Variants in PRKAG2 observed in about 807,000 individuals in gnomAD.
PRKAG2 encodes the protein 5'-AMP-activated protein kinase subunit gamma-2.
A neutral mutation model predicts 69.6 loss-of-function variants in PRKAG2; 26 were observed. That is an observed-to-expected ratio of 0.37 (90% confidence interval 0.27 to 0.52). The LOEUF (loss-of-function observed/expected upper bound fraction) is 0.52. Among genes scored for constraint, PRKAG2 ranks in the 20% least tolerant of loss-of-function variants. PRKAG2 has a pLI of 0.90. For synonymous variants in PRKAG2, 293 were observed against 285.0 expected, an observed-to-expected ratio of 1.03 and a Z score of -0.28; for missense variants, 557 against 740.0, an observed-to-expected ratio of 0.75 and a Z score of 2.87.
chr7:151,566,287 T>C (rs892665375), intron 11 of PRKAG2, among the ~76,000 whole-genome samples: 3 of 152,174 alleles, frequency 2.0e-5, no homozygotes, highest in Admixed American at 2.0e-4. Flanking sequence ...TTAAGTAATA[T>C]TTATTAAGAA....
chr7:151,825,242 T>G (rs570278531), intron 1 of PRKAG2, among the ~76,000 whole-genome samples: 5 of 152,226 alleles, frequency 3.3e-5, no homozygotes, highest in Non-Finnish European at 7.4e-5. Context: ...ATTTGTTGGC[T>G]TCTTTGCCCT....
chr7:151,663,358 C>G (rs1358267581), intron 4 of PRKAG2, among the ~76,000 whole-genome samples: 1 of 152,128 alleles, frequency 6.6e-6, no homozygotes, highest in East Asian at 1.9e-4. Flanking sequence ...GGATTATTTA[C>G]CACTTGGCCA....
intron 6 of PRKAG2, among the ~76,000 whole-genome samples, chr7:151,591,473 G>C (rs1270085501): frequency 6.6e-6 from 1 of 152,174 alleles, no homozygotes; most frequent in African/African-American, 2.4e-5. Flanking sequence ...GGCAGAGCAT[G>C]AGGGACAGAC....
intron 3 of PRKAG2, among the ~76,000 whole-genome samples, chr7:151,734,640 C>G (rs560813968): frequency 8.3e-4 from 126 of 152,322 alleles, no homozygotes; most frequent in Admixed American, 3.3e-3. Context: ...GCCTCGACCT[C>G]CTGGGCTCAA....
intron 5 of PRKAG2, among the ~76,000 whole-genome samples, chr7:151,615,827 C>G (rs1819995839): frequency 6.6e-6 from 1 of 152,252 alleles, no homozygotes; most frequent in Non-Finnish European, 1.5e-5. Context: ...CTCAACACTA[C>G]TGCTCATTAG....
intron 5 of PRKAG2, among the ~76,000 whole-genome samples, chr7:151,608,580 A>C (rs772357860): frequency 2.0e-5 from 3 of 152,308 alleles, no homozygotes; most frequent in Non-Finnish European, 4.4e-5. Context: ...GGTATCTTGC[A>C]AGTCACTGAA....
At chr7:151,766,197 G>A (rs1322252357) in intron 3 of PRKAG2, among the ~76,000 whole-genome samples, 4 of 152,284 alleles carry the variant, frequency 2.6e-5, no homozygotes, top group South Asian at 2.1e-4. Flanking sequence ...TCACATATGC[G>A]CTGCACGAGG....
chr7:151,784,944 G>A (rs747941855), intron 2 of PRKAG2, among the ~76,000 whole-genome samples: 16 of 152,242 alleles, frequency 1.1e-4, no homozygotes, highest in East Asian at 1.9e-4. Context: ...AAAGCCAGGC[G>A]GAGGGACAGG....
chr7:151,777,213 G>A lies in PRKAG2; in HGVS notation c.466+3939C>T, dbSNP rs2076411415. ...GCCCCGAGGTCTAGCTCTTCACTGC[G>A]GCAGCACCCCATGTGGACACCAGCA... On this transcript the variant is annotated intron_variant, in intron 3 of 15. Transcript: ENST00000287878. This position sits in a 1 kb window ranked among gnomAD's most constrained non-coding sequence, Gnocchi z 4.3. 6.6e-6 allele frequency among the ~76,000 whole-genome samples: 1 copy of A among 152,166 alleles called. No homozygotes were observed. Among genetic ancestry groups the A allele is most frequent in the South Asian group, 2.1e-4 (1 of 4,826 alleles).
Position 151,807,332 on chromosome 7 carries a change from A to T in PRKAG2, c.115-20791T>A. The T allele has an allele frequency of 2.3e-6, 1 of 438,536 alleles. No individual in the cohort carries two copies. The highest frequency in any genetic ancestry group is 4.7e-6 in the Non-Finnish European group (1 of 213,452). The allele number at this position is 438,536 out of a possible 1,614,324, so 27.2% of individuals were successfully genotyped here. On this transcript the variant is annotated intron_variant, in intron 1 of 15. Coordinates refer to ENST00000287878, the MANE Select transcript of PRKAG2 (RefSeq NM_016203.4). This position sits in a 1 kb window ranked among gnomAD's most constrained non-coding sequence, Gnocchi z 4.4. ...CTACAGAACGTGGGAAAATGCCTAT[A>T]TTAAGAATCCTGGAATACTCCATGT...
intron 5 of PRKAG2, among the ~76,000 whole-genome samples, chr7:151,618,555 G>T (rs1365328161): frequency 6.7e-6 from 1 of 150,058 alleles, no homozygotes; most frequent in Admixed American, 6.7e-5. Flanking sequence ...ATTTGAGGTC[G>T]GGAGTTTGAA....
At chr7:151,817,331 G>A (rs919133880) in intron 1 of PRKAG2, among the ~76,000 whole-genome samples, 5 of 152,138 alleles carry the variant, frequency 3.3e-5, no homozygotes, top group African/African-American at 7.2e-5. Flanking sequence ...GGACTCACCC[G>A]CTCTAATTCA....
chr7:151,774,732 A>G (rs1247716698), intron 3 of PRKAG2, among the ~76,000 whole-genome samples: 1 of 152,134 alleles, frequency 6.6e-6, no homozygotes, highest in Non-Finnish European at 1.5e-5. Flanking sequence ...GCTTGAACCC[A>G]GGAGGTGGAG....
chr7:151,837,501 C>T (rs1046078052), intron 1 of PRKAG2: 4 of 152,202 alleles, frequency 2.6e-5, no homozygotes, highest in African/African-American at 9.7e-5. Flanking sequence ...GAGTGCTTCA[C>T]ACAAACGGAG....
At chr7:151,730,886 T>C (rs538372630) in intron 3 of PRKAG2, among the ~76,000 whole-genome samples, 47 of 152,078 alleles carry the variant, frequency 3.1e-4, no homozygotes, top group African/African-American at 1.1e-3. Flanking sequence ...TGTGGGCTCA[T>C]GGAAGGGGAG....
chr7:151,826,179 T>TG lies in PRKAG2; in HGVS notation c.115-39639_115-39638insC, dbSNP rs199941742. 6.8e-4 allele frequency among the ~76,000 whole-genome samples: 102 copies of TG among 150,698 alleles called. 1 individual carries two copies. The East Asian group carries it at 0.019, about 28-fold the overall frequency. ...TCTCCTGACTTCCAGTTCCACTTTT[T>TG]TTTTTGTTGTTGTTTTTTTTTGACA... On this transcript the variant is annotated intron_variant, in intron 1 of 15. Transcript: ENST00000287878.
chr7:151,857,632 C>T (rs868344770), intron 1 of PRKAG2, among the ~76,000 whole-genome samples: 7 of 152,212 alleles, frequency 4.6e-5, no homozygotes, highest in Non-Finnish European at 7.3e-5. Flanking sequence ...CAGATTTTCC[C>T]ATCTGTAGAA....
At chr7:151,742,692 C>T (rs2073984165) in intron 3 of PRKAG2, among the ~76,000 whole-genome samples, 1 of 152,064 alleles carries the variant, frequency 6.6e-6, no homozygotes, top group African/African-American at 2.4e-5. Context: ...GCAACACAGA[C>T]CAGACGAGTC....
At chr7:151,634,124 A>G (rs1825335724) in intron 4 of PRKAG2, among the ~76,000 whole-genome samples, 1 of 152,202 alleles carries the variant, frequency 6.6e-6, no homozygotes, top group South Asian at 2.1e-4. Context: ...CTATATAGAT[A>G]CAGCAATCAA....
Sources: gnomAD v4.1 joint callset for allele counts (sites outside exome capture counted in the v4.1 genomes callset) on GRCh38, gnomAD v4.1.1 for gene constraint, Gnocchi (gnomAD v3.1) non-coding constraint, MANE v1.5 for transcripts, NCBI Gene and HGNC (gene_info 2026-07-23, HGNC 2026-07-21) for gene names.